The following RPS6KA2 variants were observed in gnomAD, a reference collection of about 807,000 sequenced individuals.
RPS6KA2 encodes the protein ribosomal protein S6 kinase alpha-2.
A neutral mutation model predicts 91.8 loss-of-function variants in RPS6KA2; 42 were observed. The ratio of observed to expected loss-of-function variants is 0.46; its 90% CI spans 0.36 to 0.59. RPS6KA2 has a LOEUF of 0.59. Ranked by LOEUF, RPS6KA2 falls within the 20% of genes least tolerant of loss-of-function variation. RPS6KA2 has a pLI of 0.00. For missense variants in RPS6KA2, 798 were observed against 978.5 expected, an observed-to-expected ratio of 0.82 and a Z score of 2.46; for synonymous variants, 414 against 393.6, an observed-to-expected ratio of 1.05 and a Z score of -0.61.
rs1779283680 is a variant in RPS6KA2 at position 166,435,908 on chromosome 6, G to A, written c.1333-3418C>T. 6.6e-6 allele frequency among the ~76,000 whole-genome samples: 1 copy of A among 152,236 alleles called. No individual in the cohort carries two copies. Among genetic ancestry groups the A allele is most frequent in the Admixed American group, 6.5e-5 (1 of 15,286 alleles). ...GGTTGGCGGCCCAGCCGCTGAGCCAGTCTGAGCCCCAGCTGAGACCTGGCC... is the reference window on the plus strand; with the variant it reads ...GGTTGGCGGCCCAGCCGCTGAGCCAATCTGAGCCCCAGCTGAGACCTGGCC... On this transcript the variant is annotated intron_variant, in intron 14 of 20. Transcript: ENST00000265678. The surrounding 1 kb of genome is among the most constrained non-coding windows in gnomAD (Gnocchi z 4.3).
In RPS6KA2 at chr6:166,610,428, A is replaced by C. The variant is rs879174882; in HGVS notation, c.99+16493T>G. The stretch of plus-strand genomic sequence containing the variant: ...ATCGGCTGTAGCAAAAATCAAGAAC[A>C]AAATTCAAAGGAAAGAATTCATGAT... On this transcript the variant is annotated intron_variant, in intron 1 of 20. Coordinates refer to ENST00000265678, the MANE Select transcript of RPS6KA2 (RefSeq NM_021135.6). Among the ~76,000 whole-genome samples, 7 of 152,364 alleles carry C rather than the reference A, an allele frequency of 4.6e-5. No homozygotes were observed. The East Asian group carries it at 7.7e-4, about 17-fold the overall frequency.
chr6:166,632,362 C>T (rs1002533479), intron 2 of RPS6KA2, among the ~76,000 whole-genome samples: 4 of 152,150 alleles, frequency 2.6e-5, no homozygotes, highest in African/African-American at 4.8e-5. Context: ...CCTATAATCC[C>T]AGCACTTTGG....
intron 14 of RPS6KA2, among the ~76,000 whole-genome samples, chr6:166,442,234 A>G (rs1779541235): frequency 6.6e-6 from 1 of 152,202 alleles, no homozygotes; most frequent in Non-Finnish European, 1.5e-5. Context: ...TCTGCTCTGA[A>G]TACTGCCTCA....
chr6:166,498,692 T>C, intron 7 of RPS6KA2, 42 bp from the exon 8 acceptor site: 1 of 1,608,848 alleles, frequency 6.2e-7, no homozygotes, highest in Non-Finnish European at 8.5e-7. Context: ...AGTCTCTGGG[T>C]GTGTTCGGGG....
chr6:166,523,403 T>A (rs1425434257), intron 3 of RPS6KA2, among the ~76,000 whole-genome samples: 1 of 152,186 alleles, frequency 6.6e-6, no homozygotes, highest in East Asian at 1.9e-4. Flanking sequence ...AGGGAGTCTG[T>A]CATCTGGTGA....
chr6:166,415,159 C>A (rs1778456456), intron 19 of RPS6KA2, among the ~76,000 whole-genome samples: 1 of 152,202 alleles, frequency 6.6e-6, no homozygotes, highest in African/African-American at 2.4e-5. Flanking sequence ...AAATACTATG[C>A]ACAATAACAA....
chr6:166,707,625 C>T (rs544233831), intron 2 of RPS6KA2, among the ~76,000 whole-genome samples: 54 of 152,256 alleles, frequency 3.5e-4, no homozygotes, highest in Non-Finnish European at 6.2e-4. Context: ...CAGACAGGTG[C>T]ACCTGGATCA....
At chr6:166,553,336 C>G (rs1409844211) in intron 1 of RPS6KA2, among the ~76,000 whole-genome samples, 1 of 152,028 alleles carries the variant, frequency 6.6e-6, no homozygotes, top group Non-Finnish European at 1.5e-5. Flanking sequence ...GTTGCCCAGG[C>G]AGGTCTCAAA....
At chr6:166,862,083 A>T in intron 1 of RPS6KA2, 1 of 1,614,156 alleles carries the variant, frequency 6.2e-7, no homozygotes, top group African/African-American at 1.3e-5. Context: ...GATGCTGTGA[A>T]AAGTGCGTTC....
chr6:166,745,294 GGT>G (rs1195524067), intron 2 of RPS6KA2, among the ~76,000 whole-genome samples: 2 of 152,024 alleles, frequency 1.3e-5, no homozygotes, highest in African/African-American at 4.8e-5. Context: ...TGGGATTTCA[GGT>G]GTGTGCCACC....
At chr6:166,775,942 C>T (rs1778605342) in intron 2 of RPS6KA2, among the ~76,000 whole-genome samples, 1 of 144,666 alleles carries the variant, frequency 6.9e-6, no homozygotes, top group Admixed American at 6.8e-5. Flanking sequence ...GGAAGACAGA[C>T]ACGCGTGGAG....
chr6:166,617,393 T>TC (rs1786452594), intron 1 of RPS6KA2, among the ~76,000 whole-genome samples: 1 of 152,210 alleles, frequency 6.6e-6, no homozygotes, highest in Admixed American at 6.5e-5. Context: ...GTTCGGGGAT[T>TC]TTTTCCCAAA....
intron 2 of RPS6KA2, among the ~76,000 whole-genome samples, chr6:166,853,920 G>C (rs1344248241): frequency 1.3e-5 from 2 of 152,224 alleles, no homozygotes; most frequent in Non-Finnish European, 2.9e-5. Context: ...AGGGAGCCAG[G>C]GCCTCGCCTG....
At chr6:166,505,744 C>T (rs1216295735) in intron 5 of RPS6KA2, among the ~76,000 whole-genome samples, 1 of 152,240 alleles carries the variant, frequency 6.6e-6, no homozygotes, top group Non-Finnish European at 1.5e-5. Context: ...TGCCAGCCAC[C>T]CACCGGCCCC....
chr6:166,488,631 T>C (rs1313003693), intron 10 of RPS6KA2, among the ~76,000 whole-genome samples: 1 of 152,236 alleles, frequency 6.6e-6, no homozygotes, highest in Non-Finnish European at 1.5e-5. Flanking sequence ...GCAGCAACTA[T>C]GTGTTTTAGA....
chr6:166,791,766 C>G (rs993752714), intron 2 of RPS6KA2, among the ~76,000 whole-genome samples: 7 of 151,530 alleles, frequency 4.6e-5, no homozygotes, highest in African/African-American at 1.7e-4. Flanking sequence ...TGAATGACCA[C>G]TGGGTACATA....
At chr6:166,432,993 T>TGA (rs1583127227) in intron 14 of RPS6KA2, among the ~76,000 whole-genome samples, 1 of 83,642 alleles carries the variant, frequency 1.2e-5, no homozygotes, top group Non-Finnish European at 2.1e-5. Flanking sequence ...AGACTCTGTC[T>TGA]CAAAAAAAAA....
intron 2 of RPS6KA2, among the ~76,000 whole-genome samples, chr6:166,645,039 C>T (rs1289731245): frequency 6.6e-6 from 1 of 152,112 alleles, no homozygotes. Flanking sequence ...CACTGCCCAC[C>T]CCTGATTTTG....
intron 3 of RPS6KA2, among the ~76,000 whole-genome samples, chr6:166,527,926 AC>A (rs1277561297): frequency 1.3e-5 from 2 of 152,194 alleles, no homozygotes; most frequent in South Asian, 2.1e-4. Flanking sequence ...GAATAGATAG[AC>A]ACTTTATTTT....
Sources: allele counts gnomAD v4.1 joint callset (sites outside exome capture counted in the v4.1 genomes callset), GRCh38; gene constraint gnomAD v4.1.1; non-coding constraint Gnocchi (gnomAD v3.1); transcripts MANE v1.5; gene names NCBI Gene and HGNC (gene_info 2026-07-23, HGNC 2026-07-21).